The following KDM4C variants were observed in gnomAD, a reference collection of about 807,000 sequenced individuals.
KDM4C encodes the protein lysine-specific demethylase 4C.
Under a neutral mutation model 129.3 loss-of-function variants are expected in KDM4C, and 81 were observed. That is an observed-to-expected ratio of 0.63 (90% CI 0.52 to 0.75). KDM4C has a LOEUF of 0.75. KDM4C is among the 30% of genes least tolerant of loss of function. The pLI, the probability that KDM4C is intolerant of heterozygous loss-of-function variation, is 0.00. For missense variants in KDM4C, 1,457 were observed against 1,304.0 expected, an observed-to-expected ratio of 1.12 and a Z score of -1.81; for synonymous variants, 573 against 456.1, an observed-to-expected ratio of 1.26 and a Z score of -3.26.
rs1414949897 is a variant in KDM4C at position 6,748,105 on chromosome 9, G to T, written c.49+27108G>T. Among the ~76,000 whole-genome samples, 3 of 152,018 alleles carry T rather than the reference G, an allele frequency of 2.0e-5. No homozygotes were observed. The East Asian group carries it at 5.8e-4, about 29-fold the overall frequency. On this transcript the variant is annotated intron_variant, in intron 1 of 17. Transcript: ENST00000536108. ...CACCTTAATCCGGGAGGCAGAGGTTGCAGTGAGCAGAGATCGCACCACTGC... is the reference window on the plus strand; with the variant it reads ...CACCTTAATCCGGGAGGCAGAGGTTTCAGTGAGCAGAGATCGCACCACTGC...
chr9:7,136,780 C>T (rs1049010665), intron 19 of KDM4C, among the ~76,000 whole-genome samples: 10 of 152,076 alleles, frequency 6.6e-5, no homozygotes, highest in Admixed American at 6.5e-4. Flanking sequence ...CTTGTTTTGT[C>T]ACTTTCTTAA....
At chr9:6,795,927 C>T (rs1363435030) in intron 2 of KDM4C, among the ~76,000 whole-genome samples, 1 of 152,124 alleles carries the variant, frequency 6.6e-6, no homozygotes, top group Admixed American at 6.6e-5. Flanking sequence ...CCGCTTTGGC[C>T]TCCCAAATTG....
chr9:7,025,083 C>T (rs1171452866), intron 15 of KDM4C, among the ~76,000 whole-genome samples: 2 of 152,184 alleles, frequency 1.3e-5, no homozygotes, highest in African/African-American at 4.8e-5. Flanking sequence ...TATTCTCTTG[C>T]TCAGTTGACC....
rs1158199897 is a variant in KDM4C at position 6,944,652 on chromosome 9, G to GTT, written c.922-36252_922-36251dup. Among the ~76,000 whole-genome samples, 346 of 80,978 alleles carry GTT rather than the reference G, an allele frequency of 4.3e-3. 43 individuals are homozygous for GTT. Among genetic ancestry groups the GTT allele is most frequent in the East Asian group, 9.5e-3 (21 of 2,214 alleles). 53.1% of individuals were successfully genotyped at this position (80,978 alleles called of 152,430 possible). ...CAACACACTTTTTGTCAAGGTAGAG[G>GTT]TTTTTTTTTTTTTTTTTTTTTTGCC... On this transcript the variant is annotated intron_variant, in intron 8 of 21. Coordinates refer to ENST00000381309, the MANE Select transcript of KDM4C (RefSeq NM_015061.6).
At chr9:6,996,268 C>G (rs952718146) in intron 12 of KDM4C, among the ~76,000 whole-genome samples, 3 of 152,188 alleles carry the variant, frequency 2.0e-5, no homozygotes, top group Admixed American at 6.5e-5. Flanking sequence ...CAGAACTTCC[C>G]TTGAAGTGAC....
intron 15 of KDM4C, among the ~76,000 whole-genome samples, chr9:7,039,369 G>A (rs1197533844): frequency 6.6e-6 from 1 of 151,948 alleles, no homozygotes; most frequent in Non-Finnish European, 1.5e-5. Flanking sequence ...TTATTTATAA[G>A]TCTAATTTCA....
chr9:7,016,106 A>G (rs181804222), intron 15 of KDM4C, among the ~76,000 whole-genome samples, 177 bp downstream of exon 15: 2 of 152,132 alleles, frequency 1.3e-5, no homozygotes, highest in Admixed American at 1.3e-4. Context: ...TATATCCATT[A>G]TAGAAATATT....
chr9:7,047,311 G>A (rs1158297914), intron 16 of KDM4C, among the ~76,000 whole-genome samples: 6 of 152,014 alleles, frequency 3.9e-5, no homozygotes, highest in African/African-American at 7.2e-5. Context: ...ATCAGTCATA[G>A]CAATGATAAT....
intron 8 of KDM4C, among the ~76,000 whole-genome samples, chr9:6,964,249 C>T (rs942682058): frequency 2.0e-5 from 3 of 147,072 alleles, no homozygotes; most frequent in African/African-American, 5.0e-5. Context: ...CTCCCCTGAC[C>T]CCCCAACAGG....
chr9:7,107,821 T>C (rs913043004), intron 18 of KDM4C, among the ~76,000 whole-genome samples: 2 of 151,946 alleles, frequency 1.3e-5, no homozygotes, highest in Non-Finnish European at 2.9e-5. Context: ...AGTATTATTG[T>C]AGCTAGGTCA....
chr9:6,961,275 A>T (rs1830003539), intron 8 of KDM4C, among the ~76,000 whole-genome samples: 1 of 152,200 alleles, frequency 6.6e-6, no homozygotes, highest in South Asian at 2.1e-4. Flanking sequence ...GTAATTATGG[A>T]GGACAGTCTT....
chr9:6,847,762 A>G (rs1330924670), intron 4 of KDM4C, among the ~76,000 whole-genome samples: 2 of 152,212 alleles, frequency 1.3e-5, no homozygotes, highest in African/African-American at 4.8e-5. Context: ...TAAGTTGTAG[A>G]TAGAGTGGCT....
At chr9:6,894,270 C>G (rs1016076614) in intron 8 of KDM4C, among the ~76,000 whole-genome samples, 14 of 152,202 alleles carry the variant, frequency 9.2e-5, no homozygotes, top group Admixed American at 7.9e-4. Context: ...CGAATACATT[C>G]TTGACATAAA....
chr9:6,905,868 C>T (rs886209482), intron 8 of KDM4C, among the ~76,000 whole-genome samples: 2 of 152,108 alleles, frequency 1.3e-5, no homozygotes, highest in African/African-American at 4.8e-5. Flanking sequence ...ATTCCTATTA[C>T]CCTTTATTTT....
intron 8 of KDM4C, among the ~76,000 whole-genome samples, chr9:6,933,490 CTGA>C (rs1824138157): frequency 6.6e-6 from 1 of 152,152 alleles, no homozygotes; most frequent in Admixed American, 6.5e-5. Flanking sequence ...AATAGTGATT[CTGA>C]TGATGAACAG....
At chr9:7,082,803 T>C (rs1834687045) in intron 17 of KDM4C, among the ~76,000 whole-genome samples, 1 of 152,162 alleles carries the variant, frequency 6.6e-6, no homozygotes, top group African/African-American at 2.4e-5. Context: ...AACACAGAGC[T>C]GACAAAAGGG....
At chr9:7,005,332 G>T (rs1367841650) in intron 12 of KDM4C, among the ~76,000 whole-genome samples, 1 of 151,906 alleles carries the variant, frequency 6.6e-6, no homozygotes, top group Non-Finnish European at 1.5e-5. Context: ...CTACTCGGGA[G>T]GCTGAGGCAG....
intron 4 of KDM4C, among the ~76,000 whole-genome samples, chr9:6,826,895 T>C (rs1170649157): frequency 1.3e-5 from 2 of 151,976 alleles, no homozygotes; most frequent in African/African-American, 2.4e-5. Context: ...ATGTATCTTA[T>C]TTTTATTGTT....
intron 18 of KDM4C, among the ~76,000 whole-genome samples, chr9:7,108,033 C>T (rs1837894878): frequency 6.6e-6 from 1 of 152,182 alleles, no homozygotes; most frequent in South Asian, 2.1e-4. Context: ...AGGTATTTCA[C>T]ATATGCACCT....
Sources: allele counts gnomAD v4.1 joint callset (sites outside exome capture counted in the v4.1 genomes callset), GRCh38; gene constraint gnomAD v4.1.1; transcripts MANE v1.5; gene names NCBI Gene and HGNC (gene_info 2026-07-23, HGNC 2026-07-21).